MRPL47: variants seen among roughly 807,000 people sequenced by gnomAD.
MRPL47 encodes large ribosomal subunit protein uL29m.
MRPL47 carries 31 observed loss-of-function variants against 34.0 expected under a neutral mutation model. The observed-to-expected ratio is 0.91, with a 90% confidence interval of 0.68 to 1.23. The LOEUF is 1.23. MRPL47 is among the 50% of genes most tolerant of loss of function. The pLI is 0.00. For synonymous variants in MRPL47, 106 were observed against 101.6 expected, an observed-to-expected ratio of 1.04 and a Z score of -0.26; for missense variants, 328 against 285.8, an observed-to-expected ratio of 1.15 and a Z score of -1.07.
intron 3 of MRPL47, among the ~76,000 whole-genome samples, chr3:179,599,837 G>A (rs906343308): frequency 5.9e-5 from 9 of 152,122 alleles, no homozygotes; most frequent in Admixed American, 2.0e-4. Context: ...TTGGGAATAC[G>A]AGTTGGGGCC....
Position 179,588,417 on chromosome 3 carries a change from GT to G in MRPL47, c.*454del, listed in dbSNP as rs1457200008. On this transcript the variant is annotated 3_prime_UTR_variant, in exon 7 of 7. Coordinates refer to ENST00000476781, the MANE Select transcript of MRPL47 (RefSeq NM_020409.3). The stretch of plus-strand genomic sequence containing the variant: ...CCATTCCAGAAATATATTTTGGACT[GT>G]TGTGCACTGTGATTACTACTTTAAG... The G allele has an allele frequency of 1.1e-5, 2 of 185,084 alleles. No homozygotes were observed. Among genetic ancestry groups the G allele is most frequent in the African/African-American group, 4.8e-5 (2 of 42,100 alleles). 11.5% of individuals were successfully genotyped at this position (185,084 alleles called of 1,614,324 possible). A position where few individuals can be genotyped will look rare whatever the true frequency, so the allele number is the denominator to read the frequency against.
intron 3 of MRPL47, among the ~76,000 whole-genome samples, chr3:179,599,329 T>C (rs369502369): frequency 1.0e-3 from 159 of 152,314 alleles, no homozygotes; most frequent in African/African-American, 3.6e-3. Flanking sequence ...GCATAAAACA[T>C]AGTCCTTACA....
At chr3:179,594,287 T>A (rs1718743921) in intron 4 of MRPL47, among the ~76,000 whole-genome samples, 2 of 152,224 alleles carry the variant, frequency 1.3e-5, no homozygotes, top group Non-Finnish European at 2.9e-5. Context: ...AACTAATCAC[T>A]GTGTCCTTGA....
chr3:179,596,312 G>T, intron 4 of MRPL47, among the ~76,000 whole-genome samples: 1 of 151,844 alleles, frequency 6.6e-6, no homozygotes. Context: ...CCAAATCTTC[G>T]GTTTCTATCT....
intron 6 of MRPL47, among the ~76,000 whole-genome samples, chr3:179,589,971 C>G (rs1718631776): frequency 6.6e-6 from 1 of 152,110 alleles, no homozygotes; most frequent in Admixed American, 6.6e-5. Flanking sequence ...AAGGTAGTTT[C>G]AAAAACAAAA....
rs755016841 is a variant in MRPL47 at position 179,593,827 on chromosome 3, C to A, written c.471G>T (p.Gln157His). The change falls in exon 5 of 7, where the codon CAG becomes CAT. Residue 157 changes from glutamine (Q) to histidine (H), a missense_variant. Coordinates refer to ENST00000476781, the MANE Select transcript of MRPL47 (RefSeq NM_020409.3). Reference sequence around the variant, plus strand: ...CAGGTCTAGCTCTTTCTTGACCAGTCTGAAGAAGCCTTAGGGCATCTTCTC... The same window carrying A: ...CAGGTCTAGCTCTTTCTTGACCAGTATGAAGAAGCCTTAGGGCATCTTCTC... ...QEREDALRLL[Q>H]TGQERARPGA... 7 of 1,613,592 alleles carry A rather than the reference C, an allele frequency of 4.3e-6. No individual in the cohort carries two copies. In the Admixed American group the frequency reaches 1.2e-4, roughly 27 times the overall value.
chr3:179,601,620 CAAAAG>C, intron 3 of MRPL47, 105 bp downstream of exon 3: 1 of 699,274 alleles, frequency 1.4e-6, no homozygotes, highest in Non-Finnish European at 2.5e-6. Context: ...CATAGTACTA[CAAAAG>C]AAATCGCTTT....
Position 179,602,773 on chromosome 3 carries a change from C to T in MRPL47, c.123G>A (p.Lys41=), listed in dbSNP as rs778016124. ...CTGFFLSLLP[K]STPNVTSFHQ... is the part of the protein sequence containing the mutation. The stretch of plus-strand genomic sequence containing the variant: ...GAAAGGATGTCACATTTGGTGTACT[C>T]TTAGGCAACAAACTAAGAAAAAACC... Residue 41 remains lysine (K), a synonymous_variant, in exon 2 of 7, where the codon AAG becomes AAA. Coordinates refer to ENST00000476781, the MANE Select transcript of MRPL47 (RefSeq NM_020409.3). The T allele has an allele frequency of 6.2e-7, 1 of 1,606,452 alleles. No individual in the cohort carries two copies. Among genetic ancestry groups the T allele is most frequent in the Non-Finnish European group, 8.5e-7 (1 of 1,178,286 alleles).
At chr3:179,592,255 C>T (rs949214359) in intron 6 of MRPL47, among the ~76,000 whole-genome samples, 9 of 152,112 alleles carry the variant, frequency 5.9e-5, no homozygotes, top group East Asian at 3.9e-4. Flanking sequence ...AGTGCAGTGG[C>T]GCGATCTCTG....
In MRPL47 at chr3:179,593,865, C is replaced by G; in HGVS notation, c.433G>C (p.Val145Leu). ...VVDSMDALDKVVQEREDALRL... is the reference protein window; with the variant it reads ...VVDSMDALDKLVQEREDALRL... ...AGGGCATCTTCTCTTTCCTGGACAA[C>G]TTTATCTAATGCATCCATGGAATCT... Residue 145 changes from valine (V) to leucine (L), a missense_variant, in exon 5 of 7, where the codon GTT becomes CTT. Transcript: ENST00000476781. 6.2e-7 allele frequency: 1 copy of G among 1,613,360 alleles called. No homozygotes were observed. The highest frequency in any genetic ancestry group is 8.5e-7 in the Non-Finnish European group (1 of 1,179,558).
chr3:179,588,292 T>A lies in MRPL47; in HGVS notation c.*580A>T. The A allele has an allele frequency of 3.3e-6, 1 of 299,814 alleles. No homozygotes were observed. The highest frequency in any genetic ancestry group is 6.0e-6 in the Non-Finnish European group (1 of 165,362). 18.6% of individuals were successfully genotyped at this position (299,814 alleles called of 1,614,324 possible). A position where few individuals can be genotyped will look rare whatever the true frequency, so the allele number is the denominator to read the frequency against. On this transcript the variant is annotated 3_prime_UTR_variant, in exon 7 of 7. Coordinates refer to ENST00000476781, the MANE Select transcript of MRPL47 (RefSeq NM_020409.3). ...AAATGCTTTCCAACTCTGTTTAGTG[T>A]ATTAATTACCAGTGGATTGGTAGAA...
At chr3:179,603,690 C>T (rs1263651017) in intron 1 of MRPL47, among the ~76,000 whole-genome samples, 1 of 152,058 alleles carries the variant, frequency 6.6e-6, no homozygotes, top group Non-Finnish European at 1.5e-5. Flanking sequence ...TTTATTAAAG[C>T]ACTATATAGG....
At chr3:179,595,337 T>C (rs1005931708) in intron 4 of MRPL47, among the ~76,000 whole-genome samples, 1 of 152,178 alleles carries the variant, frequency 6.6e-6, no homozygotes, top group Non-Finnish European at 1.5e-5. Context: ...ACGTGAGCCA[T>C]TGCACCTGGC....
chr3:179,594,048 C>G (rs1325494553), intron 4 of MRPL47, 153 bp from the exon 5 acceptor site: 1 of 231,378 alleles, frequency 4.3e-6, no homozygotes, highest in Non-Finnish European at 7.1e-6. Context: ...CTTTTTGGCA[C>G]AAGTATGTCT....
At chr3:179,597,002 T>C (rs964815949) in intron 4 of MRPL47, among the ~76,000 whole-genome samples, 1 of 152,212 alleles carries the variant, frequency 6.6e-6, no homozygotes, top group Non-Finnish European at 1.5e-5. Context: ...GAAGTTTTTA[T>C]AGATAAAGGG....
chr3:179,603,314 A>G lies in MRPL47; in HGVS notation c.99-517T>C, dbSNP rs115714994. Among the ~76,000 whole-genome samples the G allele has an allele frequency of 3.6e-3, 541 of 152,078 alleles. 4 individuals are homozygous for G. Among genetic ancestry groups the G allele is most frequent in the African/African-American group, 0.012 (515 of 41,492 alleles). ...AAATTTGGAAGGCCGAGGTGGGAGGATCACTTTGAGCCCAGGAGCTCAAGA... is the reference window on the plus strand; with the variant it reads ...AAATTTGGAAGGCCGAGGTGGGAGGGTCACTTTGAGCCCAGGAGCTCAAGA... On this transcript the variant is annotated intron_variant, in intron 1 of 6. Transcript: ENST00000476781.
At chr3:179,601,649 T>C in intron 3 of MRPL47, 81 bp downstream of exon 3, 1 of 842,988 alleles carries the variant, frequency 1.2e-6, no homozygotes, top group Non-Finnish European at 2.0e-6. Context: ...CAATTTCTTA[T>C]ATCAGATAGA....
chr3:179,589,696 T>C (rs772112571), intron 6 of MRPL47, among the ~76,000 whole-genome samples: 1 of 151,562 alleles, frequency 6.6e-6, no homozygotes, highest in Non-Finnish European at 1.5e-5. Flanking sequence ...AAAAAGACAA[T>C]ACAATATGCC....
chr3:179,591,055 TATTTAA>T (rs1490401389), intron 6 of MRPL47, among the ~76,000 whole-genome samples: 1 of 152,234 alleles, frequency 6.6e-6, no homozygotes, highest in Non-Finnish European at 1.5e-5. Context: ...ATTCCATTCC[TATTTAA>T]ATTGTTTTTA....
Sources: allele counts gnomAD v4.1 joint callset (sites outside exome capture counted in the v4.1 genomes callset), GRCh38; gene constraint gnomAD v4.1.1; transcripts MANE v1.5; gene names NCBI Gene and HGNC (gene_info 2026-07-23, HGNC 2026-07-21).